Variants in YIPF5 observed in about 807,000 individuals in gnomAD.
The protein encoded by YIPF5 is Yip1 domain family member 5, also known as protein YIPF5.
YIPF5 carries 8 observed loss-of-function variants against 30.4 expected under a neutral mutation model. The observed-to-expected ratio is 0.26, with a 90% CI of 0.15 to 0.47. The LOEUF (loss-of-function observed/expected upper bound fraction) is 0.47. Ranked by LOEUF, YIPF5 falls within the 20% of genes least tolerant of loss-of-function variation. YIPF5 has a pLI of 0.99. For synonymous variants in YIPF5, 104 were observed against 107.9 expected (o/e 0.96, Z 0.23); for missense variants, 282 against 301.8 (o/e 0.93, Z 0.49).
Position 144,158,590 on chromosome 5 carries a change from A to G in YIPF5, c.*1807T>C. The G allele has an allele frequency of 9.1e-7, 1 of 1,103,652 alleles. No individual in the cohort carries two copies. The highest frequency in any genetic ancestry group is 1.1e-6 in the Non-Finnish European group (1 of 902,216). 68.4% of individuals were successfully genotyped at this position (1,103,652 alleles called of 1,614,324 possible). ...TTAAGGGAAGACATTTGCCTTAACAAAAACTATACTGAAAAAGACAAATGA... is the reference window on the plus strand; with the variant it reads ...TTAAGGGAAGACATTTGCCTTAACAGAAACTATACTGAAAAAGACAAATGA... On this transcript the variant is annotated 3_prime_UTR_variant, in exon 6 of 6. Transcript: ENST00000274496.
chr5:144,170,145 GTATAT>G, intron 1 of YIPF5, 180 bp from the exon 2 acceptor site: 1 of 596,272 alleles, frequency 1.7e-6, no homozygotes, highest in East Asian at 2.8e-5. Context: ...GTAAGAAAAT[GTATAT>G]TCTTTTAAGT....
In YIPF5 at chr5:144,164,265, A is replaced by G. The variant is rs769320087; in HGVS notation, c.284-9T>C. The G allele has an allele frequency of 2.8e-5, 44 of 1,594,544 alleles. No homozygotes were observed. The highest frequency in any genetic ancestry group is 3.8e-5 in the Non-Finnish European group (44 of 1,171,374). ...AAAATTGATACCTAACTCTAAAGAG[A>G]AAGAAAATTTAAAAGTTAATTAGGA... On this transcript the variant is annotated splice_polypyrimidine_tract_variant and intron_variant, in intron 3 of 5. Transcript: ENST00000274496.
chr5:144,159,594 T>C lies in YIPF5; in HGVS notation c.*803A>G, dbSNP rs568838428. ...GTCAAATTTTTGGAGTGCAAACTCA[T>C]ACTCTACATTTGGATCACTTTTTTG... On this transcript the variant is annotated 3_prime_UTR_variant, in exon 6 of 6. Coordinates refer to ENST00000274496, the MANE Select transcript of YIPF5 (RefSeq NM_030799.9). 3 of 985,406 alleles carry C rather than the reference T, an allele frequency of 3.0e-6. No individual in the cohort carries two copies. The African/African-American group carries it at 5.2e-5, about 17-fold the overall frequency. The allele number at this position is 985,406 out of a possible 1,614,324, so 61.0% of individuals were successfully genotyped here.
At position 144,159,347 on chromosome 5, in the gene YIPF5, TTAAA is replaced by T; in HGVS notation, c.*1046_*1049del. Reference sequence around the variant, plus strand: ...TTGCAATATTGAATTTTGTAAAACTTTAAATATTTTCCTTAAAAAAGGTTAGTGA... The same window carrying T: ...TTGCAATATTGAATTTTGTAAAACTTTATTTTCCTTAAAAAAGGTTAGTGA... On this transcript the variant is annotated 3_prime_UTR_variant, in exon 6 of 6. Transcript: ENST00000274496. 6.1e-6 allele frequency: 6 copies of T among 982,556 alleles called. No individual in the cohort carries two copies. The highest frequency in any genetic ancestry group is 1.7e-5 in the African/African-American group (1 of 57,306). 60.9% of individuals were successfully genotyped at this position (982,556 alleles called of 1,614,324 possible).
chr5:144,164,073 C>T (rs775576788), intron 4 of YIPF5, 38 bp downstream of exon 4: 267 of 1,599,464 alleles, frequency 1.7e-4, no homozygotes, highest in Non-Finnish European at 2.1e-4. Context: ...AAAGGCTGTT[C>T]TTTAATTGCA....
intron 2 of YIPF5, among the ~76,000 whole-genome samples, chr5:144,166,607 C>A (rs1752208644): frequency 6.6e-6 from 1 of 152,104 alleles, no homozygotes; most frequent in African/African-American, 2.4e-5. Context: ...GAGAAAATAT[C>A]TGCCAAATGC....
intron 3 of YIPF5, among the ~76,000 whole-genome samples, chr5:144,164,945 T>C (rs1752160407): frequency 6.6e-6 from 1 of 152,204 alleles, no homozygotes; most frequent in South Asian, 2.1e-4. Flanking sequence ...ACTACGTCTC[T>C]ATGCATATGT....
chr5:144,161,470 G>A (rs1263604457), intron 5 of YIPF5, among the ~76,000 whole-genome samples: 2 of 149,308 alleles, frequency 1.3e-5, no homozygotes, highest in East Asian at 2.0e-4. Flanking sequence ...TCAGCCTCCC[G>A]AGTAGCTGGG....
In YIPF5 at chr5:144,159,706, C is replaced by CTTTT. The variant is rs11459784; in HGVS notation, c.*687_*690dup. Reference sequence around the variant, plus strand: ...ATTTTTGCAGTAAGTCTTGTGTCTCCTTTTTTTTTTTTTTTTGAGACAGAG... The same window carrying CTTTT: ...ATTTTTGCAGTAAGTCTTGTGTCTCCTTTTTTTTTTTTTTTTTTTTGAGACAGAG... On this transcript the variant is annotated 3_prime_UTR_variant, in exon 6 of 6. Coordinates refer to ENST00000274496, the MANE Select transcript of YIPF5 (RefSeq NM_030799.9). The CTTTT allele has an allele frequency of 4.2e-4, 377 of 894,694 alleles. No homozygotes were observed. Among genetic ancestry groups the CTTTT allele is most frequent in the Middle Eastern group, 1.7e-3 (3 of 1,750 alleles). The allele number at this position is 894,694 out of a possible 1,614,324, so 55.4% of individuals were successfully genotyped here.
At chr5:144,166,649 T>C (rs1238952058) in intron 2 of YIPF5, among the ~76,000 whole-genome samples, 1 of 152,182 alleles carries the variant, frequency 6.6e-6, no homozygotes, top group Non-Finnish European at 1.5e-5. Context: ...TTATCAGTTG[T>C]TCTTTCAAAT....
Position 144,160,563 on chromosome 5 carries a change from T to C in YIPF5, c.612-4A>G, listed in dbSNP as rs377258429. On this transcript the variant is annotated splice_polypyrimidine_tract_variant and splice_region_variant and intron_variant, in intron 5 of 5. Coordinates refer to ENST00000274496, the MANE Select transcript of YIPF5 (RefSeq NM_030799.9). The stretch of plus-strand genomic sequence containing the variant: ...GAGAATGATTCCTACCATTCCTCTG[T>C]AAACAACAAGGAAAAAGGGGGGAGA... 10 of 1,607,136 alleles carry C rather than the reference T, an allele frequency of 6.2e-6. No homozygotes were observed. The highest frequency in any genetic ancestry group is 7.6e-6 in the Non-Finnish European group (9 of 1,177,138).
At chr5:144,167,541 T>G (rs1752235149) in intron 2 of YIPF5, among the ~76,000 whole-genome samples, 1 of 152,198 alleles carries the variant, frequency 6.6e-6, no homozygotes, top group South Asian at 2.1e-4. Flanking sequence ...AAATGTGACT[T>G]GGTATTATGA....
chr5:144,169,760 A>T, intron 2 of YIPF5, 86 bp downstream of exon 2: 1 of 1,090,590 alleles, frequency 9.2e-7, no homozygotes. Context: ...ACATGTTCAC[A>T]TATTGTTTTA....
chr5:144,170,062 A>AT, intron 1 of YIPF5, 97 bp from the exon 2 acceptor site: 1 of 946,400 alleles, frequency 1.1e-6, no homozygotes, highest in Non-Finnish European at 1.7e-6. Flanking sequence ...CACAACAAAT[A>AT]TTTTTTCAGT....
Position 144,159,787 on chromosome 5 carries a change from C to T in YIPF5, c.*610G>A. ...GCAGTGGTGTGATCTCGGCTCACTGCAAGCTCCGCCTCCTGGGTTCACACT... is the reference window on the plus strand; with the variant it reads ...GCAGTGGTGTGATCTCGGCTCACTGTAAGCTCCGCCTCCTGGGTTCACACT... On this transcript the variant is annotated 3_prime_UTR_variant, in exon 6 of 6. Transcript: ENST00000274496. 7 of 682,760 alleles carry T rather than the reference C, an allele frequency of 1.0e-5. No homozygotes were observed. The South Asian group carries it at 4.7e-4, about 46-fold the overall frequency. The allele number at this position is 682,760 out of a possible 1,614,324, so 42.3% of individuals were successfully genotyped here.
intron 5 of YIPF5, 105 bp downstream of exon 5, chr5:144,162,113 T>C (rs1752065108): frequency 2.4e-6 from 3 of 1,243,410 alleles, no homozygotes; most frequent in African/African-American, 1.5e-5. Flanking sequence ...AGAGGCACTA[T>C]CTGATATGTT....
intron 2 of YIPF5, 57 bp from the exon 3 acceptor site, chr5:144,165,661 AT>A (rs1230544188): frequency 1.3e-6 from 2 of 1,516,898 alleles, no homozygotes; most frequent in Non-Finnish European, 1.8e-6. Context: ...TACAGTTAAT[AT>A]CCCTTAAATT....
At chr5:144,162,107 G>T in intron 5 of YIPF5, 111 bp downstream of exon 5, 2 of 1,163,704 alleles carry the variant, frequency 1.7e-6, no homozygotes, top group Non-Finnish European at 2.5e-6. Flanking sequence ...ACTACAAGAG[G>T]CACTATCTGA....
In YIPF5 at chr5:144,169,904, T is replaced by G; in HGVS notation, c.52A>C (p.Ile18Leu). Residue 18 changes from isoleucine to leucine, a missense_variant, in exon 2 of 6, where the codon ATC (isoleucine) becomes CTC (leucine). Transcript: ENST00000274496. Reference protein sequence around the residue: ...NTDFYQTSYSIDDQSQQSYDY... With the variant: ...NTDFYQTSYSLDDQSQQSYDY... ...TAGGACTGCTGTGACTGATCATCGA[T>G]GCTGTAACTTGTCTGGTAGAAATCC... is the stretch of plus-strand genomic sequence containing the variant. 1 of 1,614,236 alleles carries G rather than the reference T, an allele frequency of 6.2e-7. No individual in the cohort carries two copies. Among genetic ancestry groups the G allele is most frequent in the African/African-American group, 1.3e-5 (1 of 75,074 alleles).
Sources: gnomAD v4.1 joint callset for allele counts (sites outside exome capture counted in the v4.1 genomes callset) on GRCh38, gnomAD v4.1.1 for gene constraint, MANE v1.5 for transcripts, NCBI Gene and HGNC (gene_info 2026-07-23, HGNC 2026-07-21) for gene names.